DNM3: variants seen among roughly 807,000 people sequenced by gnomAD.
The protein encoded by DNM3 is dynamin 3, also known as dynamin-3.
Under a neutral mutation model 101.6 loss-of-function variants are expected in DNM3, and 47 were observed. The ratio of observed to expected loss-of-function variants is 0.46; its 90% CI spans 0.37 to 0.59. The LOEUF is 0.59. DNM3 is among the 20% of genes least tolerant of loss of function. The probability of loss-of-function intolerance (pLI) is 0.00; values close to 1 mark genes in which losing one functional copy is unlikely to be tolerated. For synonymous variants in DNM3, 385 were observed against 387.9 expected (o/e 0.99, Z 0.09); for missense variants, 849 against 1,085.7 (o/e 0.78, Z 3.06).
At chr1:172,226,829 T>C (rs1167327129) in intron 14 of DNM3, among the ~76,000 whole-genome samples, 2 of 152,170 alleles carry the variant, frequency 1.3e-5, no homozygotes, top group African/African-American at 4.8e-5. Flanking sequence ...AAAGCATTTC[T>C]TTAGGGTATA....
chr1:172,048,867 C>A, intron 10 of DNM3, 117 bp downstream of exon 10: 1 of 1,287,488 alleles, frequency 7.8e-7, no homozygotes, highest in Non-Finnish European at 1.1e-6. Flanking sequence ...GTGTGTTTGC[C>A]TACAGGGAAT....
At chr1:172,377,680 G>A (rs2068682715) in intron 17 of DNM3, among the ~76,000 whole-genome samples, 1 of 150,828 alleles carries the variant, frequency 6.6e-6, no homozygotes, top group African/African-American at 2.4e-5. Flanking sequence ...TTACAAGTAG[G>A]CTTTCCTGGA....
intron 17 of DNM3, among the ~76,000 whole-genome samples, chr1:172,369,162 T>C (rs914734056): frequency 6.6e-6 from 1 of 151,250 alleles, no homozygotes; most frequent in East Asian, 2.0e-4. Flanking sequence ...CAGAGAAGGA[T>C]GCAAGAAAAA....
At chr1:172,337,865 AT>A (rs1225609207) in intron 17 of DNM3, among the ~76,000 whole-genome samples, 1,412 of 86,474 alleles carry the variant, frequency 0.016, 14 homozygotes, top group African/African-American at 0.048. Flanking sequence ...ATTTTATTTT[AT>A]TTTTATTTTA....
At chr1:172,188,315 G>A (rs953301362) in intron 14 of DNM3, among the ~76,000 whole-genome samples, 2 of 152,040 alleles carry the variant, frequency 1.3e-5, no homozygotes, top group Non-Finnish European at 2.9e-5. Context: ...TTAGGCTCAG[G>A]TGGTTTTCCT....
chr1:172,318,681 G>T (rs76214435), intron 16 of DNM3, among the ~76,000 whole-genome samples: 27,324 of 152,044 alleles, frequency 0.18, 2,619 homozygotes, highest in East Asian at 0.25. Context: ...AGCTTACAAG[G>T]GACGTGAAGG....
chr1:172,105,397 A>G (rs2054939649), intron 13 of DNM3, among the ~76,000 whole-genome samples: 2 of 152,350 alleles, frequency 1.3e-5, no homozygotes, highest in South Asian at 4.1e-4. Flanking sequence ...GATAAGTGGC[A>G]GAATTCTGGC....
chr1:172,310,667 C>T (rs1179708108), intron 16 of DNM3: 1 of 152,204 alleles, frequency 6.6e-6, no homozygotes, highest in Non-Finnish European at 1.5e-5. Flanking sequence ...AAACCAAGCT[C>T]AGTGTCTTAG....
At chr1:171,873,113 G>C (rs2035446294) in intron 1 of DNM3, among the ~76,000 whole-genome samples, 1 of 152,146 alleles carries the variant, frequency 6.6e-6, no homozygotes, top group Admixed American at 6.5e-5. Flanking sequence ...AAGAAGTCAA[G>C]TTGAATCATA....
At chr1:172,307,006 C>G (rs2148868325) in intron 15 of DNM3, among the ~76,000 whole-genome samples, 1 of 152,310 alleles carries the variant, frequency 6.6e-6, no homozygotes, top group Admixed American at 6.5e-5. Flanking sequence ...GCAACCACAA[C>G]AAAAGCCAAA....
At chr1:171,905,136 T>C (rs1041536177) in intron 1 of DNM3, among the ~76,000 whole-genome samples, 7 of 152,242 alleles carry the variant, frequency 4.6e-5, no homozygotes, top group Non-Finnish European at 1.0e-4. Flanking sequence ...TTGAGTCTTG[T>C]GGAGCAGTTC....
chr1:172,364,060 C>T lies in DNM3; in HGVS notation c.1894-14958C>T, dbSNP rs116685926. Among the ~76,000 whole-genome samples, 653 of 152,042 alleles carry T rather than the reference C, an allele frequency of 4.3e-3. 1 individual carries two copies. Among genetic ancestry groups the T allele is most frequent in the African/African-American group, 0.015 (625 of 41,540 alleles). ...CATATTACATGCTATCTTTATGACA[C>T]ATTGTTTTTGGCCTGTTAATGGGCT... On this transcript the variant is annotated intron_variant, in intron 17 of 20. Transcript: ENST00000627582.
intron 2 of DNM3, among the ~76,000 whole-genome samples, chr1:171,938,203 C>T (rs1254271092): frequency 3.3e-5 from 5 of 152,142 alleles, no homozygotes; most frequent in Admixed American, 2.0e-4. Flanking sequence ...CACCAGCACC[C>T]CTGGCTGTGG....
chr1:171,996,346 G>A (rs901887196), intron 4 of DNM3, among the ~76,000 whole-genome samples: 5 of 152,136 alleles, frequency 3.3e-5, no homozygotes, highest in Non-Finnish European at 5.9e-5. Context: ...TTTTCAAAGT[G>A]CTCTTACTTT....
chr1:172,311,931 T>C (rs977058409), intron 16 of DNM3, among the ~76,000 whole-genome samples: 4 of 152,242 alleles, frequency 2.6e-5, no homozygotes, highest in Non-Finnish European at 2.9e-5. Flanking sequence ...ATATTGCCTT[T>C]TTTCAGTTTT....
intron 1 of DNM3, among the ~76,000 whole-genome samples, chr1:171,917,933 T>C (rs1041500691): frequency 6.6e-6 from 1 of 152,220 alleles, no homozygotes; most frequent in African/African-American, 2.4e-5. Context: ...CAGAAAATGA[T>C]ACAATTCAAT....
intron 13 of DNM3, 40 bp from the exon 14 acceptor site, chr1:172,131,135 G>T: frequency 1.9e-6 from 3 of 1,583,912 alleles, no homozygotes; most frequent in Non-Finnish European, 2.6e-6. Flanking sequence ...AGTGGCTTTT[G>T]TTAAACTAAA....
intron 1 of DNM3, among the ~76,000 whole-genome samples, chr1:171,911,273 CTTTTTTTTTTTTT>C (rs151321245): frequency 1.1e-5 from 1 of 90,752 alleles, no homozygotes; most frequent in Admixed American, 1.5e-4. Flanking sequence ...ACCCCAACAT[CTTTTTTTTTTTTT>C]TTTTTTTTTT....
intron 13 of DNM3, among the ~76,000 whole-genome samples, chr1:172,114,984 G>A (rs914989262): frequency 6.6e-6 from 1 of 152,096 alleles, no homozygotes; most frequent in African/African-American, 2.4e-5. Flanking sequence ...ATTTGATTAA[G>A]AAATGACACT....
Sources: allele counts gnomAD v4.1 joint callset (sites outside exome capture counted in the v4.1 genomes callset), GRCh38; gene constraint gnomAD v4.1.1; transcripts MANE v1.5; gene names NCBI Gene and HGNC (gene_info 2026-07-23, HGNC 2026-07-21).